CHD6: variants seen among roughly 807,000 people sequenced by gnomAD.
The protein encoded by CHD6 is chromodomain helicase DNA binding protein 6.
CHD6 carries 50 observed loss-of-function variants against 276.9 expected under a neutral mutation model. The ratio of observed to expected loss-of-function variants is 0.18; its 90% CI spans 0.14 to 0.23. The LOEUF (loss-of-function observed/expected upper bound fraction) is 0.23. CHD6 is among the 10% of genes least tolerant of loss of function. The probability of loss-of-function intolerance (pLI) is 1.00; values close to 1 mark genes in which losing one functional copy is unlikely to be tolerated. For missense variants in CHD6, 2,564 were observed against 3,365.8 expected (o/e 0.76, Z 5.89); for synonymous variants, 1,173 against 1,229.3 (o/e 0.95, Z 0.96).
intron 5 of CHD6, among the ~76,000 whole-genome samples, chr20:41,507,594 A>G (rs2044008068): frequency 6.6e-6 from 1 of 152,212 alleles, no homozygotes; most frequent in South Asian, 2.1e-4. Flanking sequence ...GTGCGTAAGT[A>G]CGATCATGTG....
chr20:41,612,040 A>C (rs2045892605), intron 1 of CHD6, among the ~76,000 whole-genome samples: 2 of 152,250 alleles, frequency 1.3e-5, no homozygotes, highest in African/African-American at 4.8e-5. Context: ...ATCTATGGCC[A>C]AGACTTTCAT....
At chr20:41,548,993 A>G (rs1035312660) in intron 2 of CHD6, among the ~76,000 whole-genome samples, 1 of 152,176 alleles carries the variant, frequency 6.6e-6, no homozygotes, top group African/African-American at 2.4e-5. Flanking sequence ...TCAGGAAATA[A>G]CAGGTGCTGG....
intron 1 of CHD6, among the ~76,000 whole-genome samples, chr20:41,589,465 A>C (rs998341073): frequency 1.8e-4 from 27 of 152,208 alleles, no homozygotes; most frequent in Admixed American, 2.0e-4. Context: ...ATATTTAGAA[A>C]ACCCCATCAT....
At chr20:41,412,319 T>G in intron 35 of CHD6, 56 bp from the exon 36 acceptor site, 1 of 1,590,528 alleles carries the variant, frequency 6.3e-7, no homozygotes, top group South Asian at 1.1e-5. Flanking sequence ...ATTCTTCTGA[T>G]GAGGCTGATG....
At chr20:41,433,173 G>A (rs1457915208) in intron 27 of CHD6, among the ~76,000 whole-genome samples, 1 of 151,988 alleles carries the variant, frequency 6.6e-6, no homozygotes, top group Non-Finnish European at 1.5e-5. Context: ...AAGGCGAGGA[G>A]AAAGAGGACA....
chr20:41,514,526 C>G (rs547399302), intron 4 of CHD6, among the ~76,000 whole-genome samples: 1 of 152,338 alleles, frequency 6.6e-6, no homozygotes, highest in African/African-American at 2.4e-5. Context: ...TAGCTTGGCT[C>G]ACAACTTCAT....
chr20:41,427,749 A>G (rs937073808), intron 27 of CHD6, among the ~76,000 whole-genome samples: 1 of 152,220 alleles, frequency 6.6e-6, no homozygotes, highest in Non-Finnish European at 1.5e-5. Flanking sequence ...CCCAGGGCTG[A>G]TCTACTGTAC....
rs576999714 is a variant in CHD6, at chr20:41,425,408, T to C, written c.4130-14A>G. The stretch of plus-strand genomic sequence containing the variant: ...AGCCATCCTGGGCTTCAAACATCAG[T>C]GAGGATATTAGTATTTACAAACAGA... On this transcript the variant is annotated splice_polypyrimidine_tract_variant and intron_variant, in intron 28 of 36. Coordinates refer to ENST00000373233, the MANE Select transcript of CHD6 (RefSeq NM_032221.5). 1.2e-6 allele frequency: 2 copies of C among 1,608,438 alleles called. No individual in the cohort carries two copies. Among genetic ancestry groups the C allele is most frequent in the South Asian group, 2.2e-5 (2 of 90,272 alleles).
intron 17 of CHD6, among the ~76,000 whole-genome samples, chr20:41,464,018 A>G (rs1054297992): frequency 3.9e-5 from 6 of 152,206 alleles, no homozygotes; most frequent in Non-Finnish European, 7.4e-5. Flanking sequence ...AGGGACAGAG[A>G]CACAAAGGAG....
chr20:41,439,945 T>C (rs2047848140), intron 26 of CHD6, 55 bp downstream of exon 26: 2 of 1,591,702 alleles, frequency 1.3e-6, no homozygotes, highest in Non-Finnish European at 1.7e-6. Flanking sequence ...GAGGAAGGGG[T>C]CACAGATCAG....
chr20:41,452,916 G>T lies in CHD6; in HGVS notation c.3147C>A (p.Arg1049=), dbSNP rs753679903. The change falls in exon 21 of 37, where the codon CGC becomes CGA. Residue 1049 remains arginine (R), a synonymous_variant. Transcript: ENST00000373233. The surrounding 1 kb of genome is among the most constrained non-coding windows in gnomAD (Gnocchi z 4.2). ...EKESLVIDRP[R]VRKQTKHYNS... ...TGTAGTGTTTGGTCTGCTTTCTCACGCGAGGTCGGTCGATCACTAAGCTTT... is the reference window on the plus strand; with the variant it reads ...TGTAGTGTTTGGTCTGCTTTCTCACTCGAGGTCGGTCGATCACTAAGCTTT... 2 of 1,613,752 alleles carry T rather than the reference G, an allele frequency of 1.2e-6. No individual in the cohort carries two copies. The highest frequency in any genetic ancestry group is 8.5e-7 in the Non-Finnish European group (1 of 1,179,934).
At chr20:41,513,312 C>G (rs2044165745) in intron 4 of CHD6, among the ~76,000 whole-genome samples, 1 of 152,122 alleles carries the variant, frequency 6.6e-6, no homozygotes, top group African/African-American at 2.4e-5. Flanking sequence ...GAATCCACTT[C>G]TCCTCCAATA....
At chr20:41,438,138 C>T (rs189264022) in intron 26 of CHD6, among the ~76,000 whole-genome samples, 1 of 152,340 alleles carries the variant, frequency 6.6e-6, no homozygotes, top group Admixed American at 6.5e-5. Context: ...GCGAAAGTCA[C>T]TCCTTGGCTT....
chr20:41,596,108 C>G (rs188993786), intron 1 of CHD6, among the ~76,000 whole-genome samples: 1 of 152,320 alleles, frequency 6.6e-6, no homozygotes, highest in Admixed American at 6.5e-5. Flanking sequence ...GCCCTGCGGG[C>G]CCCGTCACCC....
At chr20:41,556,702 A>G (rs1384657383) in intron 1 of CHD6, among the ~76,000 whole-genome samples, 1 of 152,200 alleles carries the variant, frequency 6.6e-6, no homozygotes, top group Non-Finnish European at 1.5e-5. Context: ...GCACCCCAAC[A>G]GATCACAAAA....
intron 2 of CHD6, among the ~76,000 whole-genome samples, chr20:41,547,199 T>A (rs1333033167): frequency 6.6e-6 from 1 of 152,226 alleles, no homozygotes; most frequent in Admixed American, 6.5e-5. Flanking sequence ...TTACTTTTAT[T>A]GTTAAACTGA....
At chr20:41,491,888 G>A (rs1413943376) in intron 10 of CHD6, 69 bp from the exon 11 acceptor site, 6 of 1,539,982 alleles carry the variant, frequency 3.9e-6, no homozygotes, top group East Asian at 2.3e-5. Context: ...GGATACTAAC[G>A]AGGACAGTGG....
chr20:41,426,247 T>TA (rs761398330), intron 27 of CHD6, 94 bp from the exon 28 acceptor site: 10 of 873,370 alleles, frequency 1.1e-5, no homozygotes, highest in Non-Finnish European at 1.8e-5. Context: ...GCATCACGCA[T>TA]AAGAGCTGTC....
chr20:41,497,206 T>G (rs1368327784), intron 8 of CHD6, 178 bp downstream of exon 8: 1 of 581,444 alleles, frequency 1.7e-6, no homozygotes, highest in Non-Finnish European at 3.1e-6. Context: ...TTAACTTTGG[T>G]GGATAGTTTT....
Sources: allele counts gnomAD v4.1 joint callset (sites outside exome capture counted in the v4.1 genomes callset), GRCh38; gene constraint gnomAD v4.1.1; non-coding constraint Gnocchi (gnomAD v3.1); transcripts MANE v1.5; gene names NCBI Gene and HGNC (gene_info 2026-07-23, HGNC 2026-07-21).